The following EPB41L4B variants were observed in gnomAD, a reference collection of about 807,000 sequenced individuals.
The protein encoded by EPB41L4B is band 4.1-like protein 4B.
EPB41L4B carries 30 observed loss-of-function variants against 112.5 expected under a neutral mutation model. The observed-to-expected ratio is 0.27, with a 90% CI of 0.20 to 0.36. The LOEUF (loss-of-function observed/expected upper bound fraction) is 0.36. Among genes scored for constraint, EPB41L4B ranks in the 10% least tolerant of loss-of-function variants. The pLI is 1.00. For missense variants in EPB41L4B, 1,024 were observed against 1,133.3 expected (o/e 0.90, Z 1.38); for synonymous variants, 408 against 439.7 (o/e 0.93, Z 0.90).
chr9:109,221,740 C>A (rs193237761), intron 15 of EPB41L4B, among the ~76,000 whole-genome samples: 1 of 152,134 alleles, frequency 6.6e-6, no homozygotes, highest in Non-Finnish European at 1.5e-5. Flanking sequence ...TCGACCATCA[C>A]GTGGGTAACA....
intron 1 of EPB41L4B, among the ~76,000 whole-genome samples, chr9:109,298,847 T>C (rs1490797991): frequency 2.0e-5 from 3 of 152,182 alleles, no homozygotes; most frequent in African/African-American, 4.8e-5. Flanking sequence ...AGGGCTCCAA[T>C]GTCCCAGGTA....
chr9:109,256,171 G>A lies in EPB41L4B; in HGVS notation c.894C>T (p.Ile298=). The A allele has an allele frequency of 1.2e-6, 2 of 1,614,074 alleles. No homozygotes were observed. Among genetic ancestry groups the A allele is most frequent in the Non-Finnish European group, 1.7e-6 (2 of 1,179,948 alleles). ...SLGLTPTGIL[I]FEGANKIGLF... ...AGCCTATTTTGTTAGCTCCTTCAAA[G>A]ATTAATATGCCTGTCGGGGTCAGTC... Residue 298 remains isoleucine (I), a synonymous_variant, in exon 9 of 26, where the codon ATC becomes ATT. Transcript: ENST00000374566.
intron 21 of EPB41L4B, among the ~76,000 whole-genome samples, chr9:109,193,228 GA>G (rs762871501): frequency 5.3e-5 from 8 of 152,208 alleles, no homozygotes; most frequent in Non-Finnish European, 1.2e-4. Context: ...ACTAAGCAGA[GA>G]TATTTCCAGA....
At chr9:109,254,935 A>T (rs774725063) in intron 11 of EPB41L4B, among the ~76,000 whole-genome samples, 1 of 152,258 alleles carries the variant, frequency 6.6e-6, no homozygotes, top group Non-Finnish European at 1.5e-5. Flanking sequence ...TAGAAATTTA[A>T]CAGCCAGAGT....
At chr9:109,225,631 T>G in intron 15 of EPB41L4B, among the ~76,000 whole-genome samples, 1 of 152,262 alleles carries the variant, frequency 6.6e-6, no homozygotes, top group East Asian at 1.9e-4. Context: ...AGCTACAATT[T>G]GAGATGAGAT....
At chr9:109,188,241 A>C (rs1264688915) in intron 22 of EPB41L4B, among the ~76,000 whole-genome samples, 1 of 152,154 alleles carries the variant, frequency 6.6e-6, no homozygotes, top group Non-Finnish European at 1.5e-5. Context: ...GAAAGGGAGG[A>C]GGAGTAGACT....
chr9:109,198,608 A>C (rs1271270440), intron 20 of EPB41L4B, among the ~76,000 whole-genome samples: 1 of 152,158 alleles, frequency 6.6e-6, no homozygotes, highest in Non-Finnish European at 1.5e-5. Flanking sequence ...AGCTAAGGTC[A>C]AGAAATGGGA....
At chr9:109,184,751 T>C (rs960357230) in intron 23 of EPB41L4B, among the ~76,000 whole-genome samples, 3 of 152,202 alleles carry the variant, frequency 2.0e-5, no homozygotes, top group Non-Finnish European at 4.4e-5. Flanking sequence ...GGGTATAGCC[T>C]AAGAAAATAA....
intron 7 of EPB41L4B, 31 bp downstream of exon 7, chr9:109,258,146 A>G (rs2119036196): frequency 1.9e-6 from 3 of 1,599,230 alleles, no homozygotes; most frequent in South Asian, 2.2e-5. Flanking sequence ...AAATAGATAC[A>G]TCAGAATGCT....
chr9:109,251,978 GGATA>G (rs1402754463), intron 12 of EPB41L4B, among the ~76,000 whole-genome samples: 2 of 152,220 alleles, frequency 1.3e-5, no homozygotes, highest in African/African-American at 4.8e-5. Context: ...GTTTTTAAAA[GGATA>G]GATGTGGCAG....
intron 14 of EPB41L4B, among the ~76,000 whole-genome samples, chr9:109,246,208 C>A (rs1045948241): frequency 6.6e-6 from 1 of 151,902 alleles, no homozygotes; most frequent in East Asian, 1.9e-4. Flanking sequence ...TTGAGACCAG[C>A]GTGGCCAACA....
At chr9:109,247,430 C>T (rs1218364262) in intron 14 of EPB41L4B, among the ~76,000 whole-genome samples, 1 of 152,016 alleles carries the variant, frequency 6.6e-6, no homozygotes, top group East Asian at 1.9e-4. Context: ...ACACTTTGAC[C>T]AAAAGCTGCC....
At chr9:109,254,699 T>C (rs1443906989) in intron 11 of EPB41L4B, among the ~76,000 whole-genome samples, 3 of 152,194 alleles carry the variant, frequency 2.0e-5, no homozygotes, top group East Asian at 1.9e-4. Flanking sequence ...ATGAGGTTGT[T>C]GTCCTCATTT....
At chr9:109,234,590 T>G (rs1364583997) in intron 15 of EPB41L4B, among the ~76,000 whole-genome samples, 1 of 152,196 alleles carries the variant, frequency 6.6e-6, no homozygotes, top group Non-Finnish European at 1.5e-5. Context: ...ACAGGCCAGG[T>G]GCAGTAGCTC....
At chr9:109,309,996 C>T (rs559450186) in intron 1 of EPB41L4B, among the ~76,000 whole-genome samples, 19 of 152,322 alleles carry the variant, frequency 1.2e-4, no homozygotes, top group Admixed American at 2.6e-4. Flanking sequence ...CCCGCCCACT[C>T]TTCCTCCCAG....
At chr9:109,286,981 C>T (rs1299079158) in intron 1 of EPB41L4B, among the ~76,000 whole-genome samples, 2 of 152,192 alleles carry the variant, frequency 1.3e-5, no homozygotes, top group African/African-American at 4.8e-5. Context: ...AGTTTTTCTG[C>T]CAACACATTA....
intron 25 of EPB41L4B, 34 bp downstream of exon 25, chr9:109,176,517 G>T (rs1462594702): frequency 6.4e-7 from 1 of 1,569,920 alleles, no homozygotes; most frequent in Admixed American, 2.0e-5. Context: ...CCTGTCACCA[G>T]AATTACCTGT....
At chr9:109,281,733 TTA>T (rs1349200719) in intron 1 of EPB41L4B, among the ~76,000 whole-genome samples, 45 of 125,056 alleles carry the variant, frequency 3.6e-4, no homozygotes, top group African/African-American at 1.3e-3. Flanking sequence ...AATTAATTAA[TTA>T]ATTTTAAAAA....
intron 15 of EPB41L4B, among the ~76,000 whole-genome samples, chr9:109,225,357 C>A (rs1033631907): frequency 2.0e-5 from 3 of 152,162 alleles, no homozygotes; most frequent in African/African-American, 7.2e-5. Flanking sequence ...TAAAGACATA[C>A]CCGAGACTGG....
Sources: allele counts gnomAD v4.1 joint callset (sites outside exome capture counted in the v4.1 genomes callset), GRCh38; gene constraint gnomAD v4.1.1; transcripts MANE v1.5; gene names NCBI Gene and HGNC (gene_info 2026-07-23, HGNC 2026-07-21).